The following PDE4D variants were observed in gnomAD, a reference collection of about 807,000 sequenced individuals.
The protein encoded by PDE4D is 3',5'-cyclic-AMP phosphodiesterase 4D.
In PDE4D, 24 loss-of-function variants were observed where a neutral mutation model predicts 87.4. That is an observed-to-expected ratio of 0.27 (90% CI 0.20 to 0.39). The LOEUF (loss-of-function observed/expected upper bound fraction) is 0.39. PDE4D is among the 10% of genes least tolerant of loss of function. PDE4D has a pLI of 1.00. For synonymous variants in PDE4D, 384 were observed against 383.2 expected (o/e 1.00, Z -0.02); for missense variants, 714 against 1,041.0 (o/e 0.69, Z 4.32).
In PDE4D at chr5:59,181,555, T is replaced by G. The variant is rs1741574957; in HGVS notation, c.759-911A>C. On this transcript the variant is annotated intron_variant, in intron 4 of 14. Transcript: ENST00000340635. ...TTCAAAGATGTCTGATATATATATA[T>G]ATATATATATATATATTAGGTATAT... Among the ~76,000 whole-genome samples the G allele has an allele frequency of 1.4e-5, 2 of 142,644 alleles. 1 individual carries two copies. Among genetic ancestry groups the G allele is most frequent in the African/African-American group, 5.3e-5 (2 of 37,546 alleles). The allele number at this position is 142,644 out of a possible 152,430, so 93.6% of individuals were successfully genotyped here.
intron 1 of PDE4D, among the ~76,000 whole-genome samples, chr5:60,420,185 CATAA>C (rs1380109693): frequency 1.3e-5 from 2 of 152,150 alleles, no homozygotes; most frequent in African/African-American, 4.8e-5. Context: ...TGAGAGAGCT[CATAA>C]ATAAATACTA....
chr5:59,510,874 A>G (rs1290547552), intron 1 of PDE4D, among the ~76,000 whole-genome samples: 1 of 151,980 alleles, frequency 6.6e-6, no homozygotes, highest in Non-Finnish European at 1.5e-5. Flanking sequence ...AATTTCTCCT[A>G]CTTAAACCGT....
At chr5:59,750,853 T>A (rs1325062794) in intron 1 of PDE4D, among the ~76,000 whole-genome samples, 1 of 150,230 alleles carries the variant, frequency 6.7e-6, no homozygotes, top group Non-Finnish European at 1.5e-5. Context: ...GGAGGCCTCT[T>A]GAACCCAGAG....
At chr5:60,510,026 C>T (rs1008375330) in intron 1 of PDE4D, among the ~76,000 whole-genome samples, 1 of 152,080 alleles carries the variant, frequency 6.6e-6, no homozygotes, top group Non-Finnish European at 1.5e-5. Flanking sequence ...CACAACAGAT[C>T]CCATCAGAAG....
chr5:60,431,541 T>A (rs952424500), intron 1 of PDE4D, among the ~76,000 whole-genome samples: 2 of 142,666 alleles, frequency 1.4e-5, no homozygotes, highest in Non-Finnish European at 3.0e-5. Context: ...CGCTCCTCAC[T>A]TCCTAGATGG....
At chr5:59,271,202 C>G (rs1222416141) in intron 1 of PDE4D, among the ~76,000 whole-genome samples, 3 of 151,984 alleles carry the variant, frequency 2.0e-5, no homozygotes, top group Non-Finnish European at 4.4e-5. Context: ...ACCACTCTGG[C>G]TAATTTTTGG....
intron 1 of PDE4D, among the ~76,000 whole-genome samples, chr5:59,685,879 A>G (rs1163364904): frequency 1.3e-5 from 2 of 152,178 alleles, no homozygotes; most frequent in Non-Finnish European, 2.9e-5. Context: ...GCAAATCAAC[A>G]GGAAAAGTTC....
chr5:59,934,289 G>A (rs1221030406), intron 3 of PDE4D, among the ~76,000 whole-genome samples: 5 of 152,138 alleles, frequency 3.3e-5, no homozygotes, highest in Non-Finnish European at 1.5e-5. Context: ...GAAGTAAAAG[G>A]CATTGAGTTT....
chr5:60,100,949 T>C (rs1489388115), intron 2 of PDE4D, among the ~76,000 whole-genome samples: 1 of 152,040 alleles, frequency 6.6e-6, no homozygotes, highest in Admixed American at 6.6e-5. Flanking sequence ...CAAAAGGTAA[T>C]TGGAATTAAC....
At chr5:59,800,031 A>G (rs1331635527) in intron 1 of PDE4D, among the ~76,000 whole-genome samples, 1 of 152,194 alleles carries the variant, frequency 6.6e-6, no homozygotes, top group African/African-American at 2.4e-5. Flanking sequence ...TAAAAAGACT[A>G]TTATGGGGAG....
At chr5:59,518,333 G>A (rs1244310148) in intron 1 of PDE4D, among the ~76,000 whole-genome samples, 1 of 151,834 alleles carries the variant, frequency 6.6e-6, no homozygotes, top group South Asian at 2.1e-4. Flanking sequence ...AAGCACGCTC[G>A]AGTATTTTTA....
chr5:60,206,001 G>C (rs6893086), intron 1 of PDE4D, among the ~76,000 whole-genome samples: 2 of 152,216 alleles, frequency 1.3e-5, no homozygotes, highest in Non-Finnish European at 2.9e-5. Context: ...ATGTCATTAA[G>C]TGAGGTATCT....
intron 6 of PDE4D, among the ~76,000 whole-genome samples, chr5:59,027,852 G>T (rs1456449077): frequency 6.6e-6 from 1 of 151,846 alleles, no homozygotes; most frequent in Non-Finnish European, 1.5e-5. Context: ...AAATGAGGGT[G>T]CTAAGTGTGC....
intron 1 of PDE4D, among the ~76,000 whole-genome samples, chr5:59,228,864 C>A (rs1754465469): frequency 6.6e-6 from 1 of 152,114 alleles, no homozygotes; most frequent in South Asian, 2.1e-4. Context: ...TGTGCATACT[C>A]CCTCCCCAGG....
chr5:59,900,248 AT>A (rs372139846), intron 3 of PDE4D, among the ~76,000 whole-genome samples: 55,334 of 131,514 alleles, frequency 0.42, 11,707 homozygotes, highest in Admixed American at 0.51. Flanking sequence ...TCAAAAAAAA[AT>A]ATATATATAT....
chr5:59,496,284 C>A (rs1465136633), intron 1 of PDE4D, among the ~76,000 whole-genome samples: 3 of 152,110 alleles, frequency 2.0e-5, no homozygotes, highest in Non-Finnish European at 4.4e-5. Flanking sequence ...CTTTCAGCTG[C>A]TTGTGTCTCT....
At chr5:59,673,055 A>G (rs1341642100) in intron 1 of PDE4D, among the ~76,000 whole-genome samples, 4 of 152,206 alleles carry the variant, frequency 2.6e-5, no homozygotes, top group Admixed American at 2.0e-4. Context: ...AACATGAATC[A>G]TACTCCTATA....
At chr5:60,476,774 A>G (rs1218087662) in intron 1 of PDE4D, among the ~76,000 whole-genome samples, 2 of 152,036 alleles carry the variant, frequency 1.3e-5, no homozygotes, top group Non-Finnish European at 2.9e-5. Flanking sequence ...CCTTCCCTCA[A>G]CACTAATCAA....
intron 2 of PDE4D, among the ~76,000 whole-genome samples, chr5:60,000,935 C>G (rs1482819595): frequency 6.6e-6 from 1 of 152,076 alleles, no homozygotes; most frequent in Admixed American, 6.5e-5. Flanking sequence ...ACAGGCTTGC[C>G]AAACTTGGTT....
Sources: allele counts gnomAD v4.1 joint callset (sites outside exome capture counted in the v4.1 genomes callset), GRCh38; gene constraint gnomAD v4.1.1; transcripts MANE v1.5; gene names NCBI Gene and HGNC (gene_info 2026-07-23, HGNC 2026-07-21).